The following HIBCH variants were observed in gnomAD, a reference collection of about 807,000 sequenced individuals.
The protein encoded by HIBCH is 3-hydroxyisobutyryl-CoA hydrolase, mitochondrial.
In HIBCH, 50 loss-of-function variants were observed where a neutral mutation model predicts 58.2. The observed-to-expected ratio is 0.86, with a 90% CI of 0.68 to 1.09. The LOEUF is 1.09. HIBCH is among the 50% of genes least tolerant of loss of function. HIBCH has a pLI of 0.00. For missense variants in HIBCH, 450 were observed against 449.7 expected (o/e 1.00, Z -0.01); for synonymous variants, 151 against 146.9 (o/e 1.03, Z -0.20).
At chr2:190,269,307 T>C (rs773334525) in intron 6 of HIBCH, among the ~76,000 whole-genome samples, 1 of 152,008 alleles carries the variant, frequency 6.6e-6, no homozygotes, top group Non-Finnish European at 1.5e-5. Flanking sequence ...ACCTATGGAA[T>C]GAGAGAAAAC....
intron 11 of HIBCH, among the ~76,000 whole-genome samples, chr2:190,227,399 C>T (rs1559020967): frequency 1.3e-5 from 2 of 152,220 alleles, no homozygotes; most frequent in East Asian, 1.9e-4. Flanking sequence ...CCCTTCCTTA[C>T]ACCTTATACA....
chr2:190,317,797 C>T (rs777372358), intron 1 of HIBCH, among the ~76,000 whole-genome samples: 3 of 151,010 alleles, frequency 2.0e-5, no homozygotes, highest in African/African-American at 2.4e-5. Context: ...GTTATACTTA[C>T]GTGCAAATTT....
rs989023614 is a variant in HIBCH at position 190,216,310 on chromosome 2, T to C, written c.892-3235A>G. Among the ~76,000 whole-genome samples, 2 of 152,118 alleles carry C rather than the reference T, an allele frequency of 1.3e-5. No individual in the cohort carries two copies. Among genetic ancestry groups the C allele is most frequent in the African/African-American group, 4.8e-5 (2 of 41,428 alleles). The stretch of plus-strand genomic sequence containing the variant: ...TTAGGATCAGGAGCAGTGGGTTGCC[T>C]ATGGATGGCTGTCAGAAGGCGGCAG... On this transcript the variant is annotated intron_variant, in intron 11 of 13. Coordinates refer to ENST00000359678, the MANE Select transcript of HIBCH (RefSeq NM_014362.4). The surrounding 1 kb of genome is among the most constrained non-coding windows in gnomAD (Gnocchi z 4.2).
chr2:190,297,911 C>T (rs1348749592), intron 2 of HIBCH, among the ~76,000 whole-genome samples: 17 of 151,422 alleles, frequency 1.1e-4, no homozygotes, highest in Admixed American at 1.1e-3. Flanking sequence ...CCCTTGCCCC[C>T]CACCCCCCAA....
intron 3 of HIBCH, among the ~76,000 whole-genome samples, chr2:190,295,133 T>C (rs1688071183): frequency 1.3e-5 from 2 of 152,118 alleles, no homozygotes; most frequent in South Asian, 4.1e-4. Flanking sequence ...TAAAGACAGC[T>C]AATAAATAAG....
In HIBCH at chr2:190,216,394, GT is replaced by G. The variant is rs1255629556; in HGVS notation, c.892-3320del. ...AAATGACCATTAAGGTTTTGTTGTT[GT>G]TTTACTGAGAGGCTGTAAGTCCACC... On this transcript the variant is annotated intron_variant, in intron 11 of 13. Transcript: ENST00000359678. This position sits in a 1 kb window ranked among gnomAD's most constrained non-coding sequence, Gnocchi z 4.2. Among the ~76,000 whole-genome samples, 1 of 152,208 alleles carries G rather than the reference GT, an allele frequency of 6.6e-6. No individual in the cohort carries two copies. Among genetic ancestry groups the G allele is most frequent in the Non-Finnish European group, 1.5e-5 (1 of 68,046 alleles).
At chr2:190,232,482 G>T (rs1400902071) in intron 11 of HIBCH, among the ~76,000 whole-genome samples, 4 of 152,152 alleles carry the variant, frequency 2.6e-5, no homozygotes, top group African/African-American at 7.2e-5. Context: ...TCAACTAGTT[G>T]CTGGAGGTGC....
intron 11 of HIBCH, among the ~76,000 whole-genome samples, chr2:190,231,582 T>C (rs1398969234): frequency 2.0e-5 from 3 of 152,150 alleles, no homozygotes; most frequent in Non-Finnish European, 4.4e-5. Flanking sequence ...AAACTCAACA[T>C]TTTTAATGTT....
At chr2:190,247,404 T>C (rs773294728) in intron 9 of HIBCH, among the ~76,000 whole-genome samples, 6 of 152,218 alleles carry the variant, frequency 3.9e-5, no homozygotes, top group Non-Finnish European at 7.3e-5. Flanking sequence ...TCAAATGCTC[T>C]GATAAAAACA....
intron 6 of HIBCH, among the ~76,000 whole-genome samples, chr2:190,267,655 G>A (rs547240961): frequency 2.0e-5 from 3 of 152,152 alleles, no homozygotes; most frequent in Non-Finnish European, 4.4e-5. Flanking sequence ...GTTATAAACC[G>A]AGGCTTTTAG....
intron 2 of HIBCH, among the ~76,000 whole-genome samples, chr2:190,300,421 C>T (rs1219583104): frequency 2.6e-5 from 4 of 151,334 alleles, no homozygotes; most frequent in Admixed American, 6.6e-5. Context: ...ATCAGTGATA[C>T]TGAGCTTTTT....
chr2:190,205,670 T>C (rs929025238), intron 13 of HIBCH, among the ~76,000 whole-genome samples: 1 of 152,110 alleles, frequency 6.6e-6, no homozygotes, highest in African/African-American at 2.4e-5. Flanking sequence ...ATTAATTGCT[T>C]AAGGTAGAGA....
downstream of HIBCH, among the ~76,000 whole-genome samples, chr2:190,199,368 G>A (rs2105888783): frequency 6.6e-6 from 1 of 152,172 alleles, no homozygotes; most frequent in Non-Finnish European, 1.5e-5. Context: ...CTGGAATTTG[G>A]CCCAATGGTT....
intron 1 of HIBCH, among the ~76,000 whole-genome samples, chr2:190,318,039 T>C (rs939622375): frequency 1.3e-5 from 2 of 152,002 alleles, no homozygotes; most frequent in Non-Finnish European, 2.9e-5. Flanking sequence ...TTGGCCAGCC[T>C]GGTCTTGAAC....
intron 3 of HIBCH, among the ~76,000 whole-genome samples, chr2:190,296,565 G>C (rs532949152): frequency 6.6e-6 from 1 of 152,178 alleles, no homozygotes; most frequent in Non-Finnish European, 1.5e-5. Flanking sequence ...AACACAAAAA[G>C]AAACTTGCAA....
intron 11 of HIBCH, among the ~76,000 whole-genome samples, chr2:190,232,684 C>A (rs1333812402): frequency 6.6e-6 from 1 of 152,192 alleles, no homozygotes; most frequent in African/African-American, 2.4e-5. Flanking sequence ...AGAGGCCGGG[C>A]ATGGTGGCTC....
intron 6 of HIBCH, among the ~76,000 whole-genome samples, chr2:190,286,654 A>G (rs965961817): frequency 2.0e-5 from 3 of 152,198 alleles, no homozygotes; most frequent in African/African-American, 7.2e-5. Flanking sequence ...ATTGTTTTGT[A>G]ATTATTTCAT....
intron 11 of HIBCH, among the ~76,000 whole-genome samples, chr2:190,239,112 G>C (rs1444851824): frequency 6.6e-6 from 1 of 152,142 alleles, no homozygotes; most frequent in Non-Finnish European, 1.5e-5. Flanking sequence ...TTATGTTTAA[G>C]TCTAATCCAT....
chr2:190,317,589 A>G (rs989114153), intron 1 of HIBCH, among the ~76,000 whole-genome samples: 1 of 152,216 alleles, frequency 6.6e-6, no homozygotes, highest in Non-Finnish European at 1.5e-5. Context: ...CAGGCACTGA[A>G]GTAAAACCTT....
Sources: gnomAD v4.1 joint callset for allele counts (sites outside exome capture counted in the v4.1 genomes callset) on GRCh38, gnomAD v4.1.1 for gene constraint, Gnocchi (gnomAD v3.1) non-coding constraint, MANE v1.5 for transcripts, NCBI Gene and HGNC (gene_info 2026-07-23, HGNC 2026-07-21) for gene names.